The following PBRM1 variants were observed in gnomAD, a reference collection of about 807,000 sequenced individuals.
PBRM1 encodes the protein protein polybromo-1.
A neutral mutation model predicts 194.5 loss-of-function variants in PBRM1; 27 were observed. The observed-to-expected ratio is 0.14, with a 90% CI of 0.10 to 0.19. The LOEUF is 0.19. PBRM1 is among the 10% of genes least tolerant of loss of function. The probability of loss-of-function intolerance (pLI) is 1.00; values close to 1 mark genes in which losing one functional copy is unlikely to be tolerated. For missense variants in PBRM1, 1,466 were observed against 2,077.2 expected, an observed-to-expected ratio of 0.71 and a Z score of 5.72; for synonymous variants, 655 against 693.2, an observed-to-expected ratio of 0.94 and a Z score of 0.87.
intron 17 of PBRM1, among the ~76,000 whole-genome samples, chr3:52,592,693 T>C (rs1235279555): frequency 6.6e-6 from 1 of 152,214 alleles, no homozygotes; most frequent in Non-Finnish European, 1.5e-5. Context: ...GGAGGAGTCC[T>C]TTCTCCTCAG....
intron 7 of PBRM1, among the ~76,000 whole-genome samples, chr3:52,646,136 T>G (rs930324290): frequency 7.9e-5 from 12 of 152,206 alleles, no homozygotes; most frequent in African/African-American, 2.9e-4. Context: ...TATTAAAATG[T>G]CCTATTAGGG....
At chr3:52,661,391 G>A (rs2096721889) in intron 4 of PBRM1, among the ~76,000 whole-genome samples, 1 of 152,160 alleles carries the variant, frequency 6.6e-6, no homozygotes, top group Admixed American at 6.5e-5. Context: ...GTGCAGATAT[G>A]AGGAATAAAT....
At chr3:52,670,739 A>T (rs2096929091) in intron 2 of PBRM1, among the ~76,000 whole-genome samples, 1 of 152,216 alleles carries the variant, frequency 6.6e-6, no homozygotes. Flanking sequence ...GCATGCCTGT[A>T]GTCCCAGCTA....
At chr3:52,637,938 C>T (rs2095889378) in intron 10 of PBRM1, among the ~76,000 whole-genome samples, 1 of 151,934 alleles carries the variant, frequency 6.6e-6, no homozygotes, top group Non-Finnish European at 1.5e-5. Context: ...AACAGCGAAA[C>T]TCCGTCTCAA....
At chr3:52,644,077 T>C (rs1294887706) in intron 8 of PBRM1, among the ~76,000 whole-genome samples, 1 of 151,774 alleles carries the variant, frequency 6.6e-6, no homozygotes, top group African/African-American at 2.4e-5. Context: ...ATACTACTAA[T>C]ATTATATATA....
chr3:52,613,813 G>C (rs942138067), intron 15 of PBRM1, among the ~76,000 whole-genome samples: 18 of 151,924 alleles, frequency 1.2e-4, no homozygotes, highest in African/African-American at 4.4e-4. Flanking sequence ...AATACAGGGA[G>C]ACCCTGCCTC....
intron 29 of PBRM1, among the ~76,000 whole-genome samples, chr3:52,549,765 C>T (rs1056110603): frequency 7.3e-5 from 11 of 151,498 alleles, no homozygotes; most frequent in African/African-American, 2.2e-4. Flanking sequence ...ATTAGCTGGG[C>T]GTGGTGCTGA....
intron 26 of PBRM1, among the ~76,000 whole-genome samples, chr3:52,555,692 C>T (rs2082081692): frequency 2.0e-5 from 3 of 152,138 alleles, no homozygotes; most frequent in Non-Finnish European, 2.9e-5. Context: ...CTCATATAAA[C>T]CTTAACAGGG....
chr3:52,589,516 C>A (rs1470547466), intron 17 of PBRM1, among the ~76,000 whole-genome samples: 1 of 152,204 alleles, frequency 6.6e-6, no homozygotes, highest in Admixed American at 6.5e-5. Context: ...AAAAACATCA[C>A]CTTACTAATA....
chr3:52,621,385 G>A (rs2095268113), intron 13 of PBRM1, among the ~76,000 whole-genome samples: 1 of 152,038 alleles, frequency 6.6e-6, no homozygotes, highest in Admixed American at 6.6e-5. Flanking sequence ...GGATGGTCTC[G>A]ATCTCCTGAC....
chr3:52,641,619 T>C (rs1398468192), intron 10 of PBRM1, among the ~76,000 whole-genome samples: 1 of 152,044 alleles, frequency 6.6e-6, no homozygotes, highest in Non-Finnish European at 1.5e-5. Context: ...ACTGAAAATA[T>C]AAGCTAAAGC....
At chr3:52,593,603 T>C (rs1165977036) in intron 17 of PBRM1, among the ~76,000 whole-genome samples, 1 of 152,248 alleles carries the variant, frequency 6.6e-6, no homozygotes, top group Non-Finnish European at 1.5e-5. Flanking sequence ...GCCTTAGCTG[T>C]GTCCCAGAGA....
chr3:52,684,246 CAGA>C (rs2097270063), upstream of PBRM1, among the ~76,000 whole-genome samples: 3 of 145,166 alleles, frequency 2.1e-5, no homozygotes, highest in Admixed American at 6.9e-5. Flanking sequence ...AGAGGAAAGA[CAGA>C]TTCCAGAGTT....
At chr3:52,590,450 C>T (rs2092921786) in intron 17 of PBRM1, among the ~76,000 whole-genome samples, 2 of 150,220 alleles carry the variant, frequency 1.3e-5, no homozygotes, top group African/African-American at 5.0e-5. Flanking sequence ...AGCAATACTC[C>T]ATTTCAAAAG....
At chr3:52,588,899 T>C (rs1422910625) in intron 18 of PBRM1, among the ~76,000 whole-genome samples, 171 bp downstream of exon 20, 2 of 152,162 alleles carry the variant, frequency 1.3e-5, no homozygotes, top group African/African-American at 4.8e-5. Flanking sequence ...ACTTGCCCAA[T>C]AGGTCCTATG....
At chr3:52,550,702 A>G in intron 28 of PBRM1, 45 bp downstream of exon 30, 8 of 1,584,422 alleles carry the variant, frequency 5.0e-6, no homozygotes, top group Non-Finnish European at 6.9e-6. Flanking sequence ...GAGAAGGATA[A>G]CTCGAATTCT....
intron 15 of PBRM1, among the ~76,000 whole-genome samples, chr3:52,611,673 C>T (rs1344095069): frequency 7.2e-5 from 11 of 151,860 alleles, no homozygotes; most frequent in Non-Finnish European, 1.3e-4. Flanking sequence ...GACGTGGTGG[C>T]GTGTACCTGT....
chr3:52,624,479 G>C (rs1262104534), intron 13 of PBRM1, among the ~76,000 whole-genome samples: 2 of 152,204 alleles, frequency 1.3e-5, no homozygotes, highest in African/African-American at 4.8e-5. Flanking sequence ...CCAATGCATA[G>C]GTGTCCACAT....
At chr3:52,653,286 CTT>C (rs2096543294) in intron 5 of PBRM1, among the ~76,000 whole-genome samples, 2 of 152,074 alleles carry the variant, frequency 1.3e-5, no homozygotes, top group South Asian at 2.1e-4. Context: ...TTGAATGAAA[CTT>C]TGTTAAAGAA....
Sources: allele counts gnomAD v4.1 joint callset (sites outside exome capture counted in the v4.1 genomes callset), GRCh38; gene constraint gnomAD v4.1.1; transcripts MANE v1.5; gene names NCBI Gene and HGNC (gene_info 2026-07-23, HGNC 2026-07-21).